Variants in TRHDE observed in about 807,000 individuals in gnomAD.
TRHDE encodes thyrotropin releasing hormone degrading enzyme, also known as thyrotropin-releasing hormone-degrading ectoenzyme.
In TRHDE, 72 loss-of-function variants were observed where a neutral mutation model predicts 125.7. The ratio of observed to expected loss-of-function variants is 0.57; its 90% CI spans 0.47 to 0.70. The LOEUF (loss-of-function observed/expected upper bound fraction) is 0.70, where lower values mean the gene tolerates loss of function less well. Among genes scored for constraint, TRHDE ranks in the 30% least tolerant of loss-of-function variants. The probability of loss-of-function intolerance (pLI) is 0.00; values close to 1 mark genes in which losing one functional copy is unlikely to be tolerated. For missense variants in TRHDE, 1,110 were observed against 1,327.1 expected (o/e 0.84, Z 2.54); for synonymous variants, 509 against 509.1 (o/e 1.00, Z 0.00).
chr12:72,653,247 G>T, intron 17 of TRHDE, 91 bp downstream of exon 17: 4 of 1,046,010 alleles, frequency 3.8e-6, no homozygotes, highest in Non-Finnish European at 4.0e-6. Flanking sequence ...TAAGATCCAT[G>T]CAATAGGTTT....
chr12:72,493,052 T>A (rs1249765434), intron 5 of TRHDE, among the ~76,000 whole-genome samples: 1 of 151,926 alleles, frequency 6.6e-6, no homozygotes, highest in African/African-American at 2.4e-5. Context: ...CTCCTTTGCT[T>A]CTAACGGAGG....
At chr12:72,340,259 A>T (rs183654030) in intron 2 of TRHDE, among the ~76,000 whole-genome samples, 1 of 152,306 alleles carries the variant, frequency 6.6e-6, no homozygotes, top group East Asian at 1.9e-4. Context: ...AGATAAACAC[A>T]ATCCAACTAC....
At position 72,385,708 on chromosome 12, in the gene TRHDE, A is replaced by G. The variant is rs150434096; in HGVS notation, c.1315+7587A>G. On this transcript the variant is annotated intron_variant, in intron 3 of 18. Transcript: ENST00000261180. ...TCATTAATTACTCTATAATATGGCC[A>G]TTTAACTGTTCTTGTTAAGCTATTT... Among the ~76,000 whole-genome samples the G allele has an allele frequency of 4.2e-3, 642 of 152,282 alleles. 6 individuals carry two copies. The highest frequency in any genetic ancestry group is 0.015 in the African/African-American group (624 of 41,580).
At chr12:72,297,984 T>C (rs1008017189) in intron 2 of TRHDE, among the ~76,000 whole-genome samples, 2 of 152,156 alleles carry the variant, frequency 1.3e-5, no homozygotes, top group African/African-American at 4.8e-5. Context: ...ATTGATATAA[T>C]GGAGTAAGCC....
intron 12 of TRHDE, among the ~76,000 whole-genome samples, chr12:72,609,437 C>T (rs117498365): frequency 0.067 from 10,141 of 152,110 alleles, 492 homozygotes; most frequent in Non-Finnish European, 0.098. Context: ...ATTTTATTTC[C>T]TGCTCTTTTC....
At chr12:72,188,428 G>C (rs955622766) in intron 2 of TRHDE, among the ~76,000 whole-genome samples, 1 of 152,216 alleles carries the variant, frequency 6.6e-6, no homozygotes, top group Non-Finnish European at 1.5e-5. Context: ...ATCAAGATCT[G>C]TTTCAGACCA....
intron 3 of TRHDE, among the ~76,000 whole-genome samples, chr12:72,389,951 A>G (rs564291439): frequency 6.6e-6 from 1 of 152,298 alleles, no homozygotes; most frequent in African/African-American, 2.4e-5. Flanking sequence ...GGAGGTGGTA[A>G]GAAGGGGGCA....
intron 6 of TRHDE, among the ~76,000 whole-genome samples, chr12:72,512,523 AAT>A (rs1878640222): frequency 7.2e-6 from 1 of 138,456 alleles, no homozygotes; most frequent in African/African-American, 2.7e-5. Context: ...TATTATATAT[AAT>A]ATATATGATT....
chr12:72,338,484 T>TA (rs1398175265), intron 2 of TRHDE, among the ~76,000 whole-genome samples: 2 of 152,192 alleles, frequency 1.3e-5, no homozygotes, highest in African/African-American at 4.8e-5. Context: ...GTGTGTGGTA[T>TA]ACAGGGGACA....
chr12:72,146,542 A>G (rs1201610447), intron 2 of TRHDE, among the ~76,000 whole-genome samples: 3 of 152,214 alleles, frequency 2.0e-5, no homozygotes, highest in Non-Finnish European at 4.4e-5. Flanking sequence ...ACAGATTTAA[A>G]TACACAGAAA....
chr12:72,167,052 G>A (rs1008218225), intron 2 of TRHDE, among the ~76,000 whole-genome samples: 1 of 151,940 alleles, frequency 6.6e-6, no homozygotes, highest in African/African-American at 2.4e-5. Context: ...CTTTGGATGC[G>A]CCCAGGGGCT....
intron 3 of TRHDE, among the ~76,000 whole-genome samples, chr12:72,388,156 C>T (rs912611638): frequency 1.3e-5 from 2 of 152,054 alleles, no homozygotes; most frequent in East Asian, 1.9e-4. Flanking sequence ...CTTGTTCTTC[C>T]CTCAGCCTAA....
At chr12:72,501,295 GT>G in intron 6 of TRHDE, among the ~76,000 whole-genome samples, 1 of 152,178 alleles carries the variant, frequency 6.6e-6, no homozygotes, top group East Asian at 1.9e-4. Context: ...AATACCTTCA[GT>G]CTTTATCCAT....
upstream of TRHDE, among the ~76,000 whole-genome samples, chr12:72,268,314 T>TAAA (rs1879113659): frequency 6.6e-6 from 1 of 152,130 alleles, no homozygotes; most frequent in Non-Finnish European, 1.5e-5. Context: ...ATTTACCCAT[T>TAAA]AAAGTTTTAG....
intron 3 of TRHDE, among the ~76,000 whole-genome samples, chr12:72,408,824 C>T (rs1487528140): frequency 6.6e-6 from 1 of 151,872 alleles, no homozygotes; most frequent in Admixed American, 6.6e-5. Context: ...CAGAATGTAG[C>T]ATGAAGAAGC....
At chr12:72,515,550 A>C (rs1878808779) in intron 6 of TRHDE, among the ~76,000 whole-genome samples, 1 of 152,228 alleles carries the variant, frequency 6.6e-6, no homozygotes, top group South Asian at 2.1e-4. Flanking sequence ...GCCCTTTGTC[A>C]GATGAGTAGG....
At position 72,425,807 on chromosome 12, in the gene TRHDE, A is replaced by G. The variant is rs1003843469; in HGVS notation, c.1316-43951A>G. 2.6e-5 allele frequency among the ~76,000 whole-genome samples: 4 copies of G among 152,056 alleles called. No individual in the cohort carries two copies. The East Asian group carries it at 7.7e-4, about 29-fold the overall frequency. On this transcript the variant is annotated intron_variant, in intron 3 of 18. Transcript: ENST00000261180. ...ATTTACTATTTGGTTTTTACTATGG[A>G]TCTGTGACAAATAAACCATACTCAG...
Position 72,666,467 on chromosome 12 carries a change from T to TAA in TRHDE, c.*3273_*3274insAA, listed in dbSNP as rs1490250566. ...ACTGGGGAGGCTGAGGTGGGAGAAT[T>TAA]ATTTAAGTCCAAAAGTTCAGTGCTC... On this transcript the variant is annotated 3_prime_UTR_variant, in exon 19 of 19. Coordinates refer to ENST00000261180, the MANE Select transcript of TRHDE (RefSeq NM_013381.3). The TAA allele has an allele frequency of 1.3e-5, 2 of 151,992 alleles. No individual in the cohort carries two copies. The highest frequency in any genetic ancestry group is 2.9e-5 in the Non-Finnish European group (2 of 67,962). 9.4% of individuals were successfully genotyped at this position (151,992 alleles called of 1,614,324 possible).
chr12:72,381,553 G>A (rs1169030033), intron 3 of TRHDE, among the ~76,000 whole-genome samples: 3 of 151,578 alleles, frequency 2.0e-5, no homozygotes, highest in African/African-American at 2.4e-5. Context: ...CCGCCACTAC[G>A]CCTGGCTAAT....
Sources: allele counts gnomAD v4.1 joint callset (sites outside exome capture counted in the v4.1 genomes callset), GRCh38; gene constraint gnomAD v4.1.1; transcripts MANE v1.5; gene names NCBI Gene and HGNC (gene_info 2026-07-23, HGNC 2026-07-21).